NDUFS2: variants seen among roughly 807,000 people sequenced by gnomAD.
The protein encoded by NDUFS2 is NADH:ubiquinone oxidoreductase core subunit S2, also known as NADH dehydrogenase [ubiquinone] iron-sulfur protein 2, mitochondrial.
A neutral mutation model predicts 69.6 loss-of-function variants in NDUFS2; 38 were observed. That is an observed-to-expected ratio of 0.55 (90% CI 0.42 to 0.72). NDUFS2 has a LOEUF of 0.72. Ranked by LOEUF, NDUFS2 falls within the 30% of genes least tolerant of loss-of-function variation. The pLI is 0.00. For synonymous variants in NDUFS2, 194 were observed against 211.2 expected, an observed-to-expected ratio of 0.92 and a Z score of 0.70; for missense variants, 468 against 595.0, an observed-to-expected ratio of 0.79 and a Z score of 2.22.
upstream of NDUFS2, among the ~76,000 whole-genome samples, chr1:161,197,690 G>A (rs1402603483): frequency 3.3e-5 from 5 of 152,052 alleles, no homozygotes; most frequent in Admixed American, 1.3e-4. Flanking sequence ...TTTACTGCTG[G>A]GGACTGTGTC....
chr1:161,208,481 G>T (rs1665598849), intron 3 of NDUFS2, among the ~76,000 whole-genome samples: 1 of 152,032 alleles, frequency 6.6e-6, no homozygotes. Flanking sequence ...TGTATTTTTA[G>T]TAGAGAAGGG....
At chr1:161,198,386 A>G, upstream of NDUFS2, 1 of 1,611,932 alleles carries the variant, frequency 6.2e-7, no homozygotes. This position sits in a 1 kb window ranked among gnomAD's most constrained non-coding sequence, Gnocchi z 4.7. Context: ...GCGGCACAAC[A>G]GCCTGGCAGG....
intron 1 of NDUFS2, 36 bp downstream of exon 1, chr1:161,202,516 A>C: frequency 6.3e-7 from 1 of 1,579,842 alleles, no homozygotes; most frequent in Non-Finnish European, 8.6e-7. Flanking sequence ...CACTTTCTCC[A>C]AGGCTAGGGT....
At chr1:161,200,074 C>T (rs1665050874), upstream of NDUFS2, among the ~76,000 whole-genome samples, 1 of 152,002 alleles carries the variant, frequency 6.6e-6, no homozygotes, top group Non-Finnish European at 1.5e-5. Context: ...TGGGAGAATC[C>T]CCACCTGGCT....
rs1254128651 is a variant in NDUFS2 at position 161,206,389 on chromosome 1, C to G, written c.203-18C>G. ...AAGGGAATAACCATGTGGCTCTGAA[C>G]TATTTCTTACTTCTCAGATGTGGAC... On this transcript the variant is annotated intron_variant, in intron 2 of 13. Transcript: ENST00000676972. 1.2e-6 allele frequency: 2 copies of G among 1,613,842 alleles called. No individual in the cohort carries two copies. The highest frequency in any genetic ancestry group is 1.1e-5 in the South Asian group (1 of 91,074).
intron 9 of NDUFS2, 53 bp from the exon 10 acceptor site, chr1:161,212,298 C>A (rs978239019): frequency 2.2e-5 from 35 of 1,610,966 alleles, no homozygotes; most frequent in Middle Eastern, 3.3e-4. Flanking sequence ...CCTTCCTAGC[C>A]CCATACCTGC....
In NDUFS2 at chr1:161,214,230, C is replaced by G. The variant is rs527318221; in HGVS notation, c.*37C>G. 1.3e-6 allele frequency: 2 copies of G among 1,582,218 alleles called. No homozygotes were observed. The highest frequency in any genetic ancestry group is 3.3e-5 in the Admixed American group (2 of 59,816). On this transcript the variant is annotated 3_prime_UTR_variant, in exon 14 of 14. Transcript: ENST00000676972. The stretch of plus-strand genomic sequence containing the variant: ...GCGTTTGATCCCCCCTGCCTATCAG[C>G]TTCTTCTGTGGAGCCTGTTCCTCAC...
upstream of NDUFS2, among the ~76,000 whole-genome samples, chr1:161,197,679 C>T (rs185539343): frequency 6.6e-6 from 1 of 152,050 alleles, no homozygotes; most frequent in Admixed American, 6.6e-5. Context: ...GTTAGGAGAC[C>T]TTTACTGCTG....
chr1:161,198,577 C>T, upstream of NDUFS2: 1 of 1,548,230 alleles, frequency 6.5e-7, no homozygotes, highest in Non-Finnish European at 8.7e-7. This position sits in a 1 kb window ranked among gnomAD's most constrained non-coding sequence, Gnocchi z 4.7. Context: ...GGGCTCCCCA[C>T]AGCCAGCGCC....
upstream of NDUFS2, chr1:161,198,189 C>A: frequency 6.2e-7 from 1 of 1,614,044 alleles, no homozygotes; most frequent in East Asian, 2.2e-5. This position sits in a 1 kb window ranked among gnomAD's most constrained non-coding sequence, Gnocchi z 4.7. Flanking sequence ...AACAGGGCTC[C>A]CCCATCCCAG....
At chr1:161,213,151 C>T (rs1665866699) in intron 10 of NDUFS2, 2 of 455,008 alleles carry the variant, frequency 4.4e-6, no homozygotes, top group South Asian at 3.9e-5. Context: ...GATCTGCCCA[C>T]CTCAGCCTCC....
At chr1:161,201,855 TTAGG>T (rs1371270958), upstream of NDUFS2, among the ~76,000 whole-genome samples, 9 of 152,314 alleles carry the variant, frequency 5.9e-5, no homozygotes, top group East Asian at 1.7e-3. Context: ...CCAGCCCCAC[TTAGG>T]CTCCTTTCTC....
chr1:161,212,725 A>T, intron 10 of NDUFS2: 1 of 396,730 alleles, frequency 2.5e-6, no homozygotes, highest in Non-Finnish European at 4.8e-6. Context: ...ACGCCCAGCT[A>T]ATTTTTTGTA....
chr1:161,209,541 C>T lies in NDUFS2; in HGVS notation c.573C>T (p.Ala191=). 1 of 1,613,626 alleles carries T rather than the reference C, an allele frequency of 6.2e-7. No homozygotes were observed. Among genetic ancestry groups the T allele is most frequent in the Non-Finnish European group, 8.5e-7 (1 of 1,180,004 alleles). The change falls in exon 5 of 14, where the codon GCC becomes GCT. Residue 191 remains alanine (A), a synonymous_variant. Coordinates refer to ENST00000676972, the MANE Select transcript of NDUFS2 (RefSeq NM_001377299.1). The stretch of plus-strand genomic sequence containing the variant: ...ACATCATGGCTGTGACCACACATGC[C>T]CTGGACCTTGGGGCCATGACCCCTT... The part of the protein sequence containing the change: ...LNHIMAVTTH[A]LDLGAMTPFF...
At chr1:161,202,604 T>G in intron 1 of NDUFS2, 124 bp downstream of exon 1, 3 of 1,072,122 alleles carry the variant, frequency 2.8e-6, no homozygotes, top group Non-Finnish European at 4.1e-6. Flanking sequence ...CCCTGATTTC[T>G]TGGGCTACGG....
In NDUFS2 at chr1:161,210,163, C is replaced by A; in HGVS notation, c.755C>A (p.Ser252Tyr). 6.2e-7 allele frequency: 1 copy of A among 1,614,176 alleles called. No homozygotes were observed. Among genetic ancestry groups the A allele is most frequent in the Non-Finnish European group, 8.5e-7 (1 of 1,180,028 alleles). Residue 252 changes from serine (S) to tyrosine (Y), a missense_variant, in exon 7 of 14, where the codon TCT (serine) becomes TAT (tyrosine). By Grantham distance (144) the Ser-to-Tyr change is moderately radical. Coordinates refer to ENST00000676972, the MANE Select transcript of NDUFS2 (RefSeq NM_001377299.1). ...DDIYQFSKNFSLRLDELEELL... is the reference protein window; with the variant it reads ...DDIYQFSKNFYLRLDELEELL... ...ATTTATCAGTTTTCTAAGAACTTCTCTCTTCGGCTTGATGAGTTGGAGGAG... is the reference window on the plus strand; with the variant it reads ...ATTTATCAGTTTTCTAAGAACTTCTATCTTCGGCTTGATGAGTTGGAGGAG...
Position 161,209,284 on chromosome 1 carries a change from G to C in NDUFS2, c.485G>C (p.Arg162Pro). The change falls in exon 4 of 14, where the codon CGG (arginine) becomes CCG (proline). Residue 162 changes from arginine to proline, a missense_variant. Arg to Pro is a moderately radical substitution (Grantham distance 103). This residue lies in a region of NDUFS2 where 339 missense variants were observed against 433.8 expected (regional missense o/e 0.78). Coordinates refer to ENST00000676972, the MANE Select transcript of NDUFS2 (RefSeq NM_001377299.1). Reference protein sequence around the residue: ...SLAVEKLLNIRPPPRAQWIRV... With the variant: ...SLAVEKLLNIPPPPRAQWIRV... ...GCTGTGGAGAAGTTGCTAAACATCC[G>C]GCCTCCTCCTCGGGCACAGTGGATC... 6.2e-7 allele frequency: 1 copy of C among 1,614,074 alleles called. No homozygotes were observed. Among genetic ancestry groups the C allele is most frequent in the Non-Finnish European group, 8.5e-7 (1 of 1,180,024 alleles).
At chr1:161,203,601 C>T in intron 2 of NDUFS2, 58 bp downstream of exon 2, 1 of 1,425,562 alleles carries the variant, frequency 7.0e-7, no homozygotes, top group Non-Finnish European at 9.8e-7. Flanking sequence ...AGCTGATTTC[C>T]TTTTCTTTTT....
At chr1:161,202,211 T>A, upstream of NDUFS2, 2 of 678,572 alleles carry the variant, frequency 2.9e-6, no homozygotes, top group South Asian at 3.2e-5. Flanking sequence ...CACTGTTATC[T>A]AAACGCAAGT....
Sources: allele counts gnomAD v4.1 joint callset (sites outside exome capture counted in the v4.1 genomes callset), GRCh38; gene constraint gnomAD v4.1.1; regional missense constraint gnomAD v4.1.1; non-coding constraint Gnocchi (gnomAD v3.1); transcripts MANE v1.5; gene names NCBI Gene and HGNC (gene_info 2026-07-23, HGNC 2026-07-21).